The following KANK1 variants were observed in gnomAD, a reference collection of about 807,000 sequenced individuals.
KANK1 encodes KN motif and ankyrin repeat domains 1.
A neutral mutation model predicts 106.2 loss-of-function variants in KANK1; 109 were observed. That is an observed-to-expected ratio of 1.03 (90% CI 0.88 to 1.20). The LOEUF is 1.20. Ranked by LOEUF, KANK1 falls within the 50% of genes most tolerant of loss-of-function variation. The probability of loss-of-function intolerance (pLI) is 0.00; values close to 1 mark genes in which losing one functional copy is unlikely to be tolerated. For missense variants in KANK1, 2,399 were observed against 1,710.7 expected (o/e 1.40, Z -7.10); for synonymous variants, 873 against 652.2 (o/e 1.34, Z -5.16).
chr9:512,482 G>A (rs1039928082), intron 1 of KANK1, among the ~76,000 whole-genome samples: 4 of 152,046 alleles, frequency 2.6e-5, no homozygotes, highest in Non-Finnish European at 5.9e-5. Context: ...ATGGAGGGCA[G>A]TCTCTTTTAC....
At chr9:697,076 CTGTGTGTGTGTG>C (rs3028272) in intron 2 of KANK1, among the ~76,000 whole-genome samples, 76,782 of 151,034 alleles carry the variant, frequency 0.51, 20,278 homozygotes, top group South Asian at 0.71. Flanking sequence ...TTTGTTCCAT[CTGTGTGTGTGTG>C]TGTGTGTGTG....
chr9:488,601 T>G (rs1037739661), intron 3 of KANK1, among the ~76,000 whole-genome samples: 2 of 152,302 alleles, frequency 1.3e-5, no homozygotes, highest in East Asian at 3.9e-4. Flanking sequence ...CCTTCCTGTC[T>G]CATTCACAGG....
At chr9:532,467 C>T (rs1321277317) in intron 1 of KANK1, among the ~76,000 whole-genome samples, 1 of 148,940 alleles carries the variant, frequency 6.7e-6, no homozygotes, top group Non-Finnish European at 1.5e-5. Context: ...CATCACCATC[C>T]ATCTCCAGAA....
At chr9:587,545 C>G (rs1207610792) in intron 1 of KANK1, among the ~76,000 whole-genome samples, 2 of 152,106 alleles carry the variant, frequency 1.3e-5, no homozygotes, top group South Asian at 2.1e-4. Flanking sequence ...ATCTGTTACT[C>G]TGTTTCTAGA....
upstream of KANK1, among the ~76,000 whole-genome samples, chr9:504,484 T>C (rs979722910): frequency 1.3e-5 from 2 of 151,348 alleles, no homozygotes; most frequent in Non-Finnish European, 2.9e-5. Flanking sequence ...GGGCGTCCTC[T>C]GGGCGGAGGG....
chr9:709,161 GAAA>G (rs1825190845), intron 2 of KANK1, among the ~76,000 whole-genome samples: 1 of 152,212 alleles, frequency 6.6e-6, no homozygotes, highest in Admixed American at 6.5e-5. Context: ...TCAACACGGA[GAAA>G]ACTCTTCCTA....
intron 9 of KANK1, among the ~76,000 whole-genome samples, chr9:741,387 T>C (rs1006309435): frequency 3.3e-5 from 5 of 151,832 alleles, no homozygotes; most frequent in African/African-American, 1.2e-4. Flanking sequence ...TGGCGGGATC[T>C]TGGCTCACTG....
At chr9:528,469 C>CTTTTTTTTTTTTTTTTTTTTTTT (rs36072780) in intron 1 of KANK1, among the ~76,000 whole-genome samples, 7 of 85,084 alleles carry the variant, frequency 8.2e-5, no homozygotes, top group Non-Finnish European at 1.2e-4. Context: ...TAAAAAATAA[C>CTTTTTTTTTTTTTTTTTTTTTTT]TTTTTTTTTT....
At chr9:649,843 G>C (rs928995994) in intron 1 of KANK1, among the ~76,000 whole-genome samples, 2 of 152,170 alleles carry the variant, frequency 1.3e-5, no homozygotes, top group Non-Finnish European at 2.9e-5. Flanking sequence ...ACCTCCTTTG[G>C]TGTGACCCAT....
chr9:683,351 A>T (rs1817937795), intron 2 of KANK1, among the ~76,000 whole-genome samples: 1 of 152,204 alleles, frequency 6.6e-6, no homozygotes, highest in African/African-American at 2.4e-5. Context: ...AAACATAAAC[A>T]CATAGGTAGG....
At chr9:656,615 C>A (rs1410012688) in intron 1 of KANK1, among the ~76,000 whole-genome samples, 2 of 150,520 alleles carry the variant, frequency 1.3e-5, no homozygotes, top group Non-Finnish European at 2.9e-5. Flanking sequence ...ATGGCAGATG[C>A]CCCTACTCCC....
At chr9:607,696 A>T (rs1829574332) in intron 1 of KANK1, among the ~76,000 whole-genome samples, 1 of 151,466 alleles carries the variant, frequency 6.6e-6, no homozygotes, top group African/African-American at 2.4e-5. Context: ...GTGCTAGGAA[A>T]CTTTGCTGGC....
rs1237032825 is a variant in KANK1 at position 591,947 on chromosome 9, C to G, written c.-83-84943C>G. 2.0e-5 allele frequency among the ~76,000 whole-genome samples: 3 copies of G among 151,796 alleles called. 1 individual carries two copies. The highest frequency in any genetic ancestry group is 4.9e-5 in the African/African-American group (2 of 41,084). On this transcript the variant is annotated intron_variant, in intron 1 of 11. Transcript: ENST00000382297. ...ATGCTGGGATTACAGGAGTGAGCCACTGTGCCCAGCCACAATTATCATTTC... is the reference window on the plus strand; with the variant it reads ...ATGCTGGGATTACAGGAGTGAGCCAGTGTGCCCAGCCACAATTATCATTTC...
At chr9:609,018 C>T (rs989664209) in intron 1 of KANK1, among the ~76,000 whole-genome samples, 2 of 152,006 alleles carry the variant, frequency 1.3e-5, no homozygotes, top group South Asian at 2.1e-4. Flanking sequence ...TTCAGTTACC[C>T]TTTGGGACTT....
At chr9:581,479 T>C (rs954665593) in intron 1 of KANK1, among the ~76,000 whole-genome samples, 2 of 151,932 alleles carry the variant, frequency 1.3e-5, no homozygotes, top group African/African-American at 4.8e-5. Context: ...AAGTCAATGA[T>C]GTTGAACTAA....
Position 746,095 on chromosome 9 carries a change from T to G in KANK1, c.*860T>G, listed in dbSNP as rs946567732. On this transcript the variant is annotated 3_prime_UTR_variant, in exon 12 of 12. Coordinates refer to ENST00000382297, the MANE Select transcript of KANK1 (RefSeq NM_015158.5). ...GCCATATTTTCAAAATAAAATTCCA[T>G]TAAGCTCTTTTCCTTGTCCCTGTTT... The G allele has an allele frequency of 2.0e-5, 3 of 152,662 alleles. No homozygotes were observed. Among genetic ancestry groups the G allele is most frequent in the Non-Finnish European group, 4.4e-5 (3 of 68,044 alleles). The allele number at this position is 152,662 out of a possible 1,614,324, so 9.5% of individuals were successfully genotyped here.
At chr9:543,559 C>CAAAAAAA (rs57776331) in intron 1 of KANK1, among the ~76,000 whole-genome samples, 2 of 120,468 alleles carry the variant, frequency 1.7e-5, no homozygotes, top group Non-Finnish European at 3.7e-5. Flanking sequence ...AACTCTGTCT[C>CAAAAAAA]AAAAAAAAAA....
chr9:628,881 C>G (rs1376236852), intron 1 of KANK1, among the ~76,000 whole-genome samples: 1 of 151,838 alleles, frequency 6.6e-6, no homozygotes, highest in African/African-American at 2.4e-5. Context: ...GAGTTCAAAA[C>G]CAGCCTGGCC....
Position 713,138 on chromosome 9 carries a change from C to T in KANK1, c.2372C>T (p.Thr791Ile), listed in dbSNP as rs1355875875. Residue 791 changes from threonine to isoleucine, a missense_variant, in exon 3 of 12, where the codon ACA becomes ATA. Physicochemically the swap from Thr to Ile is moderately conservative, Grantham distance 89. Coordinates refer to ENST00000382297, the MANE Select transcript of KANK1 (RefSeq NM_015158.5). ...CGPPQLTVGLTASRRSVGVGD... is the reference protein window; with the variant it reads ...CGPPQLTVGLIASRRSVGVGD... ...CCACCACAGTTGACTGTGGGGCTGA[C>T]AGCCAGCAGAAGGAGCGTGGGGGTT... 7 of 1,597,420 alleles carry T rather than the reference C, an allele frequency of 4.4e-6. No individual in the cohort carries two copies. The highest frequency in any genetic ancestry group is 6.0e-6 in the Non-Finnish European group (7 of 1,169,800).
Sources: gnomAD v4.1 joint callset for allele counts (sites outside exome capture counted in the v4.1 genomes callset) on GRCh38, gnomAD v4.1.1 for gene constraint, MANE v1.5 for transcripts, NCBI Gene and HGNC (gene_info 2026-07-23, HGNC 2026-07-21) for gene names.